UBAC2: variants seen among roughly 807,000 people sequenced by gnomAD.
The protein encoded by UBAC2 is ubiquitin-associated domain-containing protein 2.
Under a neutral mutation model 44.0 loss-of-function variants are expected in UBAC2, and 26 were observed. The observed-to-expected ratio is 0.59, with a 90% CI of 0.43 to 0.82. The LOEUF (loss-of-function observed/expected upper bound fraction) is 0.82, where lower values mean the gene tolerates loss of function less well. UBAC2 is among the 40% of genes least tolerant of loss of function. The pLI is 0.00. For missense variants in UBAC2, 329 were observed against 419.4 expected, an observed-to-expected ratio of 0.78 and a Z score of 1.88; for synonymous variants, 155 against 154.3, an observed-to-expected ratio of 1.00 and a Z score of -0.04.
chr13:99,366,676 A>T (rs2045335445), intron 7 of UBAC2, among the ~76,000 whole-genome samples: 1 of 151,924 alleles, frequency 6.6e-6, no homozygotes, highest in African/African-American at 2.4e-5. Flanking sequence ...TGAAGATTGT[A>T]TCTTTAGACA....
At chr13:99,210,299 G>A (rs530511240) in intron 1 of UBAC2, among the ~76,000 whole-genome samples, 1 of 152,186 alleles carries the variant, frequency 6.6e-6, no homozygotes, top group East Asian at 1.9e-4. Flanking sequence ...GAAATAAAAT[G>A]GCATTTATTG....
chr13:99,361,144 CATTCATACATGTATATATACACAAGA>C (rs1277454019), intron 7 of UBAC2, among the ~76,000 whole-genome samples: 2 of 152,176 alleles, frequency 1.3e-5, no homozygotes, highest in Admixed American at 6.5e-5. Flanking sequence ...TATATTTATT[CATTCATACATGTATATATACACAAGA>C]ATTTTTACTT....
intron 4 of UBAC2, among the ~76,000 whole-genome samples, chr13:99,305,981 C>T (rs1212029816): frequency 1.3e-5 from 2 of 152,084 alleles, no homozygotes; most frequent in African/African-American, 4.8e-5. Flanking sequence ...CTGCAACCTC[C>T]GCCTCCCAGG....
Position 99,244,558 on chromosome 13 carries a change from T to TTCTCC in UBAC2, c.326_330dup (p.Ile111SerfsTer56), listed in dbSNP as rs1188020105. ...TGGGTTTTGTCAGCCTTATTTGACT[T>TTCTCC]TCTCCTCATTGAAGCTATGCAGTAT... On this transcript the variant is annotated frameshift_variant, in exon 4 of 9. Coordinates refer to ENST00000403766, the MANE Select transcript of UBAC2 (RefSeq NM_001144072.2). LOFTEE classifies it high-confidence loss of function. 1.9e-6 allele frequency: 3 copies of TTCTCC among 1,613,384 alleles called. No individual in the cohort carries two copies. The East Asian group carries it at 6.7e-5, about 36-fold the overall frequency.
At chr13:99,262,035 TCA>T (rs1232168389) in intron 4 of UBAC2, among the ~76,000 whole-genome samples, 3 of 152,202 alleles carry the variant, frequency 2.0e-5, no homozygotes, top group African/African-American at 7.2e-5. Context: ...ATGAAATCTC[TCA>T]CTGTCCCGCT....
intron 7 of UBAC2, among the ~76,000 whole-genome samples, chr13:99,363,146 C>A (rs2045287287): frequency 6.6e-6 from 1 of 152,150 alleles, no homozygotes; most frequent in African/African-American, 2.4e-5. Flanking sequence ...GGCTCATAAC[C>A]AAGTGCCCAT....
intron 8 of UBAC2, among the ~76,000 whole-genome samples, chr13:99,370,369 G>A (rs1161735480): frequency 6.6e-6 from 1 of 152,148 alleles, no homozygotes; most frequent in Non-Finnish European, 1.5e-5. Flanking sequence ...AGAGTTCCAG[G>A]TACTATTCTA....
At chr13:99,331,721 C>G (rs2138809092) in intron 6 of UBAC2, among the ~76,000 whole-genome samples, 1 of 152,290 alleles carries the variant, frequency 6.6e-6, no homozygotes, top group Non-Finnish European at 1.5e-5. Flanking sequence ...CTTTGGGAAT[C>G]CCTAATTTGC....
At chr13:99,338,031 CTTTTTTTCT>C (rs869032692) in intron 6 of UBAC2, among the ~76,000 whole-genome samples, 4 of 41,768 alleles carry the variant, frequency 9.6e-5, no homozygotes, top group African/African-American at 1.5e-4. Context: ...AATCTCCTAA[CTTTTTTTCT>C]TTTTTTCTTT....
chr13:99,230,388 C>G (rs1420496176), intron 1 of UBAC2, among the ~76,000 whole-genome samples: 1 of 152,040 alleles, frequency 6.6e-6, no homozygotes, highest in African/African-American at 2.4e-5. Flanking sequence ...ATTGCTTGAA[C>G]CTGGGAGGCG....
At chr13:99,319,819 G>A (rs1336332619) in intron 6 of UBAC2, among the ~76,000 whole-genome samples, 1 of 152,202 alleles carries the variant, frequency 6.6e-6, no homozygotes, top group Non-Finnish European at 1.5e-5. Context: ...CACCCAGTTA[G>A]AACTGTTGCG....
intron 4 of UBAC2, among the ~76,000 whole-genome samples, chr13:99,246,235 T>A (rs2043381839): frequency 6.6e-6 from 1 of 152,232 alleles, no homozygotes; most frequent in Admixed American, 6.5e-5. Flanking sequence ...GCTCTTTTAA[T>A]AATGTATGAT....
rs374881529 is a variant in UBAC2, at chr13:99,346,614, A to T, written c.807+6049A>T. Reference sequence around the variant, plus strand: ...TGAACTTCCCTGTACCAACCCCTTCACCCCACCCCTCCCACATACACATCA... The same window carrying T: ...TGAACTTCCCTGTACCAACCCCTTCTCCCCACCCCTCCCACATACACATCA... On this transcript the variant is annotated intron_variant, in intron 7 of 8. Coordinates refer to ENST00000403766, the MANE Select transcript of UBAC2 (RefSeq NM_001144072.2). 4.0e-5 allele frequency among the ~76,000 whole-genome samples: 6 copies of T among 150,862 alleles called. No homozygotes were observed. In the East Asian group the frequency reaches 1.2e-3, roughly 29 times the overall value.
rs1488495920 is a variant in UBAC2, at chr13:99,347,652, TGG to T, written c.807+7088_807+7089del. Among the ~76,000 whole-genome samples, 15 of 151,988 alleles carry T rather than the reference TGG, an allele frequency of 9.9e-5. No homozygotes were observed. In the East Asian group the frequency reaches 2.7e-3, roughly 27 times the overall value. On this transcript the variant is annotated intron_variant, in intron 7 of 8. Transcript: ENST00000403766. ...CTCTGATGAACAGTGACCAGGGTGA[TGG>T]CTCTATAGATCTCACTTCAACTGAG...
At chr13:99,366,210 C>T (rs1441762481) in intron 7 of UBAC2, among the ~76,000 whole-genome samples, 1 of 152,042 alleles carries the variant, frequency 6.6e-6, no homozygotes, top group African/African-American at 2.4e-5. Context: ...CCTCCTGTGA[C>T]GTCCTAGTCT....
intron 1 of UBAC2, among the ~76,000 whole-genome samples, chr13:99,237,265 TATATATACACACACAC>T (rs2043246361): frequency 8.8e-6 from 1 of 113,978 alleles, no homozygotes; most frequent in East Asian, 3.0e-4. Context: ...TATATATATA[TATATATACACACACAC>T]ACACACACAC....
At chr13:99,299,498 A>G (rs902098251) in intron 4 of UBAC2, among the ~76,000 whole-genome samples, 1 of 152,134 alleles carries the variant, frequency 6.6e-6, no homozygotes, top group South Asian at 2.1e-4. Context: ...GTATGCCAAA[A>G]CATAATTTTG....
chr13:99,339,073 ACT>A (rs2044845040), intron 6 of UBAC2, among the ~76,000 whole-genome samples: 2 of 151,706 alleles, frequency 1.3e-5, no homozygotes, highest in Non-Finnish European at 2.9e-5. Context: ...ATATCCAGTG[ACT>A]CTGAAATCCT....
At chr13:99,255,036 C>G in intron 4 of UBAC2, 1 of 1,614,106 alleles carries the variant, frequency 6.2e-7, no homozygotes, top group Non-Finnish European at 8.5e-7. Flanking sequence ...CATCCAGACA[C>G]GTGCTGAGGT....
Sources: allele counts gnomAD v4.1 joint callset (sites outside exome capture counted in the v4.1 genomes callset), GRCh38; gene constraint gnomAD v4.1.1; transcripts MANE v1.5; gene names NCBI Gene and HGNC (gene_info 2026-07-23, HGNC 2026-07-21).